SYN3: variants seen among roughly 807,000 people sequenced by gnomAD.
The protein encoded by SYN3 is synapsin-3.
Under a neutral mutation model 65.8 loss-of-function variants are expected in SYN3, and 35 were observed. The observed-to-expected ratio is 0.53, with a 90% CI of 0.41 to 0.70. SYN3 has a LOEUF of 0.70. SYN3 is among the 30% of genes least tolerant of loss of function. The pLI is 0.00. For missense variants in SYN3, 680 were observed against 749.0 expected, an observed-to-expected ratio of 0.91 and a Z score of 1.08; for synonymous variants, 270 against 292.9, an observed-to-expected ratio of 0.92 and a Z score of 0.80.
intron 6 of SYN3, among the ~76,000 whole-genome samples, chr22:32,814,107 CGTGTGTGTGTGT>C (rs130279): frequency 1.8e-4 from 18 of 97,724 alleles, no homozygotes; most frequent in Middle Eastern, 5.2e-3. Flanking sequence ...AGGCAATACT[CGTGTGTGTGTGT>C]GTGTGTGTGT....
At chr22:32,922,515 A>C (rs535433410) in intron 4 of SYN3, among the ~76,000 whole-genome samples, 1 of 152,330 alleles carries the variant, frequency 6.6e-6, no homozygotes, top group South Asian at 2.1e-4. Flanking sequence ...AAGCTGGCTT[A>C]AACAAAAAGG....
intron 2 of SYN3, among the ~76,000 whole-genome samples, chr22:32,990,749 C>G (rs1054293992): frequency 6.6e-6 from 1 of 152,146 alleles, no homozygotes; most frequent in African/African-American, 2.4e-5. Context: ...AAATTGTATA[C>G]TTTTAAAATA....
At chr22:32,613,105 G>T (rs2059468562) in intron 6 of SYN3, among the ~76,000 whole-genome samples, 1 of 151,954 alleles carries the variant, frequency 6.6e-6, no homozygotes, top group Admixed American at 6.6e-5. Context: ...CTCCTACCAT[G>T]ATTGTAAGTT....
At chr22:32,759,855 G>A (rs2045411755) in intron 6 of SYN3, among the ~76,000 whole-genome samples, 1 of 65,046 alleles carries the variant, frequency 1.5e-5, no homozygotes, top group Non-Finnish European at 3.0e-5. Flanking sequence ...CCACCAGCCA[G>A]TACCCACCCA....
intron 6 of SYN3, among the ~76,000 whole-genome samples, chr22:32,737,218 G>A (rs1212877530): frequency 6.6e-6 from 1 of 152,142 alleles, no homozygotes; most frequent in Non-Finnish European, 1.5e-5. Context: ...CAACCCATGA[G>A]GTTAGGTACT....
chr22:32,807,572 G>A (rs1192457522), intron 6 of SYN3, among the ~76,000 whole-genome samples: 2 of 149,340 alleles, frequency 1.3e-5, no homozygotes, highest in Non-Finnish European at 3.0e-5. Flanking sequence ...TTTTATGAGG[G>A]AGGTGTGCTA....
chr22:32,758,722 C>G (rs1352639926), intron 6 of SYN3, among the ~76,000 whole-genome samples: 1 of 74,424 alleles, frequency 1.3e-5, no homozygotes, highest in African/African-American at 4.4e-5. Flanking sequence ...TTCTGTCCCT[C>G]TTGGGAACCC....
intron 6 of SYN3, among the ~76,000 whole-genome samples, chr22:32,623,271 T>C (rs1464422143): frequency 6.6e-6 from 1 of 152,096 alleles, no homozygotes; most frequent in Non-Finnish European, 1.5e-5. Flanking sequence ...ACTTCAGTCT[T>C]AAACTCCTGG....
intron 1 of SYN3, among the ~76,000 whole-genome samples, chr22:33,016,851 G>A (rs559715994): frequency 2.0e-5 from 3 of 151,966 alleles, no homozygotes; most frequent in Non-Finnish European, 4.4e-5. Flanking sequence ...CCAATCTCTG[G>A]GTTGCATCTT....
intron 6 of SYN3, chr22:32,861,040 G>T (rs930375387): frequency 2.0e-5 from 3 of 152,222 alleles, no homozygotes; most frequent in Non-Finnish European, 4.4e-5. Flanking sequence ...CAGAGTGGGG[G>T]TTGGCAGGAT....
chr22:32,649,490 G>C (rs1342199674), intron 6 of SYN3, among the ~76,000 whole-genome samples: 3 of 152,148 alleles, frequency 2.0e-5, no homozygotes, highest in African/African-American at 7.2e-5. Context: ...GAGACTTTGA[G>C]AAAGCCCTCC....
At chr22:32,582,026 C>T (rs2058955197) in intron 7 of SYN3, among the ~76,000 whole-genome samples, 2 of 152,034 alleles carry the variant, frequency 1.3e-5, no homozygotes, top group Non-Finnish European at 2.9e-5. Context: ...TCTTGAACTC[C>T]TGACCTTGTG....
chr22:32,762,108 C>T (rs1285782131), intron 6 of SYN3, among the ~76,000 whole-genome samples: 2 of 152,200 alleles, frequency 1.3e-5, no homozygotes, highest in Non-Finnish European at 2.9e-5. Context: ...AGTTTGAACC[C>T]TAAGTGCAAG....
intron 13 of SYN3, among the ~76,000 whole-genome samples, chr22:32,516,004 T>C (rs1205162457): frequency 6.6e-6 from 1 of 152,144 alleles, no homozygotes; most frequent in Non-Finnish European, 1.5e-5. Context: ...TTCACTGTGT[T>C]AGCCAGGATG....
At chr22:32,829,539 G>A (rs2047515242) in intron 6 of SYN3, among the ~76,000 whole-genome samples, 1 of 152,230 alleles carries the variant, frequency 6.6e-6, no homozygotes, top group South Asian at 2.1e-4. Context: ...ACCGCAGCAG[G>A]GCTGCCCGCC....
chr22:32,765,561 CGA>C (rs2045600511), intron 6 of SYN3, among the ~76,000 whole-genome samples: 1 of 151,956 alleles, frequency 6.6e-6, no homozygotes, highest in Non-Finnish European at 1.5e-5. Context: ...AAATGACAGG[CGA>C]GAGGGTGACA....
chr22:32,604,236 G>T (rs1287056397), intron 6 of SYN3, among the ~76,000 whole-genome samples: 1 of 152,218 alleles, frequency 6.6e-6, no homozygotes, highest in Non-Finnish European at 1.5e-5. Flanking sequence ...TCTGGAGGAA[G>T]AAATCAAGGA....
chr22:32,823,486 G>A (rs920297799), intron 6 of SYN3, among the ~76,000 whole-genome samples: 4 of 152,166 alleles, frequency 2.6e-5, no homozygotes, highest in Non-Finnish European at 1.5e-5. Context: ...CTGTGTCCCA[G>A]CCCCAAAGCA....
At chr22:32,521,731 T>C (rs939633658) in intron 12 of SYN3, among the ~76,000 whole-genome samples, 15 of 152,098 alleles carry the variant, frequency 9.9e-5, no homozygotes, top group Non-Finnish European at 2.1e-4. Context: ...CAGGTGTGAG[T>C]CACCGCGCCC....
Sources: allele counts gnomAD v4.1 joint callset (sites outside exome capture counted in the v4.1 genomes callset), GRCh38; gene constraint gnomAD v4.1.1; transcripts MANE v1.5; gene names NCBI Gene and HGNC (gene_info 2026-07-23, HGNC 2026-07-21).